ADIPOR2: variants seen among roughly 807,000 people sequenced by gnomAD.
ADIPOR2 encodes adiponectin receptor protein 2.
ADIPOR2 carries 18 observed loss-of-function variants against 40.9 expected under a neutral mutation model. The observed-to-expected ratio is 0.44, with a 90% CI of 0.30 to 0.65. The LOEUF is 0.65. Ranked by LOEUF, ADIPOR2 falls within the 30% of genes least tolerant of loss-of-function variation. The pLI is 0.09. For missense variants in ADIPOR2, 283 were observed against 479.2 expected (o/e 0.59, Z 3.82); for synonymous variants, 165 against 166.4 (o/e 0.99, Z 0.06).
chr12:1,735,501 A>G (rs557002637), intron 1 of ADIPOR2, among the ~76,000 whole-genome samples: 1 of 152,310 alleles, frequency 6.6e-6, no homozygotes, highest in African/African-American at 2.4e-5. Context: ...TTGGGCTGAG[A>G]CAATGGGGTT....
At chr12:1,731,848 C>A (rs2094720995) in intron 1 of ADIPOR2, among the ~76,000 whole-genome samples, 1 of 152,170 alleles carries the variant, frequency 6.6e-6, no homozygotes, top group Non-Finnish European at 1.5e-5. Context: ...CTTGTAATCC[C>A]AGCTACTTGA....
intron 1 of ADIPOR2, among the ~76,000 whole-genome samples, chr12:1,701,766 A>G (rs2094650653): frequency 1.3e-5 from 2 of 152,216 alleles, no homozygotes; most frequent in Admixed American, 1.3e-4. Flanking sequence ...ATAATGTTAC[A>G]TTGAACATTC....
At chr12:1,749,521 G>T (rs770646688) in intron 1 of ADIPOR2, among the ~76,000 whole-genome samples, 1 of 152,150 alleles carries the variant, frequency 6.6e-6, no homozygotes, top group African/African-American at 2.4e-5. Context: ...AAAATAACAG[G>T]CATACTTGTG....
chr12:1,714,327 A>G (rs1409375491), intron 1 of ADIPOR2, among the ~76,000 whole-genome samples: 2 of 152,008 alleles, frequency 1.3e-5, no homozygotes, highest in African/African-American at 2.4e-5. Flanking sequence ...ACTGTAGAAC[A>G]CGGAGGTTGC....
At chr12:1,739,208 C>T (rs1385691784) in intron 1 of ADIPOR2, among the ~76,000 whole-genome samples, 1 of 152,210 alleles carries the variant, frequency 6.6e-6, no homozygotes, top group Non-Finnish European at 1.5e-5. Flanking sequence ...AGGTACTGCT[C>T]TCTGCCTTTA....
At position 1,723,005 on chromosome 12, in the gene ADIPOR2, T is replaced by C. The variant is rs151036824; in HGVS notation, c.-86-31253T>C. 4.5e-3 allele frequency among the ~76,000 whole-genome samples: 687 copies of C among 152,362 alleles called. 5 individuals carry two copies. The highest frequency in any genetic ancestry group is 0.015 in the African/African-American group (617 of 41,580). ...TACAAGATGAGAGATGTGAAAATTC[T>C]TTGCAAGCTCTAAATTGTTACACAA... On this transcript the variant is annotated intron_variant, in intron 1 of 7. Transcript: ENST00000357103.
Position 1,724,142 on chromosome 12 carries a change from C to T in ADIPOR2, c.-86-30116C>T, listed in dbSNP as rs145816328. On this transcript the variant is annotated intron_variant, in intron 1 of 7. Transcript: ENST00000357103. ...GATTACAGGTGCCCGCCACGACGCC[C>T]AGCTAATTTTTTGTATTTTTAGTAG... 4.3e-3 allele frequency among the ~76,000 whole-genome samples: 651 copies of T among 152,174 alleles called. 7 individuals are homozygous for T. Among genetic ancestry groups the T allele is most frequent in the African/African-American group, 0.015 (629 of 41,516 alleles).
chr12:1,714,432 T>C (rs975573310), intron 1 of ADIPOR2, among the ~76,000 whole-genome samples: 1 of 152,102 alleles, frequency 6.6e-6, no homozygotes, highest in Admixed American at 6.5e-5. Flanking sequence ...AATAAACTTA[T>C]CTTTTAGGAT....
chr12:1,719,156 G>GT lies in ADIPOR2; in HGVS notation c.-87+27975dup, dbSNP rs201549939. Reference sequence around the variant, plus strand: ...CCATGTTACCAATTATGCTTTTTCAGTTTTTTTTTTGAGACTTTTCTACTC... The same window carrying GT: ...CCATGTTACCAATTATGCTTTTTCAGTTTTTTTTTTTGAGACTTTTCTACTC... On this transcript the variant is annotated intron_variant, in intron 1 of 7. Transcript: ENST00000357103. Among the ~76,000 whole-genome samples the GT allele has an allele frequency of 7.6e-4, 113 of 147,914 alleles. 1 individual carries two copies. Among genetic ancestry groups the GT allele is most frequent in the Middle Eastern group, 6.9e-3 (2 of 288 alleles).
chr12:1,719,385 G>A (rs2094693557), intron 1 of ADIPOR2, among the ~76,000 whole-genome samples: 1 of 152,144 alleles, frequency 6.6e-6, no homozygotes, highest in South Asian at 2.1e-4. Flanking sequence ...TTTGAGAACA[G>A]TTTATGGCTC....
chr12:1,715,078 G>T (rs113643793), intron 1 of ADIPOR2, among the ~76,000 whole-genome samples: 18,717 of 152,010 alleles, frequency 0.12, 1,514 homozygotes, highest in East Asian at 0.28. Context: ...CCTTCTGGGT[G>T]GTGGAGATTA....
chr12:1,734,974 A>G (rs1230069355), intron 1 of ADIPOR2, among the ~76,000 whole-genome samples: 3 of 152,180 alleles, frequency 2.0e-5, no homozygotes, highest in African/African-American at 7.2e-5. Context: ...TGGTACCAGT[A>G]CCATGCTGTT....
intron 1 of ADIPOR2, among the ~76,000 whole-genome samples, chr12:1,695,532 G>C (rs562996953): frequency 6.6e-6 from 1 of 151,584 alleles, no homozygotes; most frequent in Non-Finnish European, 1.5e-5. Context: ...GTATGGTGGC[G>C]CGCGCCTGTA....
At chr12:1,709,182 A>T (rs887339606) in intron 1 of ADIPOR2, among the ~76,000 whole-genome samples, 1 of 152,238 alleles carries the variant, frequency 6.6e-6, no homozygotes, top group Admixed American at 6.5e-5. Context: ...TTAAATATAC[A>T]GATCATTAGG....
chr12:1,732,638 T>C (rs1174705895), intron 1 of ADIPOR2, among the ~76,000 whole-genome samples: 1 of 152,244 alleles, frequency 6.6e-6, no homozygotes, highest in African/African-American at 2.4e-5. Context: ...CAAGTTTTTG[T>C]GTGCACATAG....
Position 1,755,328 on chromosome 12 carries a change from A to C in ADIPOR2, c.171+814A>C, listed in dbSNP as rs1026591809. Among the ~76,000 whole-genome samples, 5 of 152,112 alleles carry C rather than the reference A, an allele frequency of 3.3e-5. No homozygotes were observed. In the East Asian group the frequency reaches 9.7e-4, roughly 29 times the overall value. On this transcript the variant is annotated intron_variant, in intron 2 of 7. Transcript: ENST00000357103. Reference sequence around the variant, plus strand: ...CTCAACCTCCTTATCCACCTGCCTCAACCTCCCAGAGTGCTGGGATTATAG... The same window carrying C: ...CTCAACCTCCTTATCCACCTGCCTCCACCTCCCAGAGTGCTGGGATTATAG...
intron 1 of ADIPOR2, among the ~76,000 whole-genome samples, chr12:1,737,136 A>G (rs1294040673): frequency 1.3e-5 from 2 of 152,242 alleles, no homozygotes; most frequent in Non-Finnish European, 2.9e-5. Flanking sequence ...TATGAAGAAT[A>G]AATGAGATAA....
intron 2 of ADIPOR2, among the ~76,000 whole-genome samples, chr12:1,762,412 T>C (rs948311143): frequency 6.6e-6 from 1 of 152,184 alleles, no homozygotes; most frequent in Non-Finnish European, 1.5e-5. Flanking sequence ...GCCTTTTTGT[T>C]TTCCTCTGAT....
chr12:1,759,550 C>G (rs1862224709), intron 2 of ADIPOR2, among the ~76,000 whole-genome samples: 1 of 152,086 alleles, frequency 6.6e-6, no homozygotes, highest in South Asian at 2.1e-4. Flanking sequence ...TTGTACAAGT[C>G]TTTATTTACC....
Sources: allele counts gnomAD v4.1 joint callset (sites outside exome capture counted in the v4.1 genomes callset), GRCh38; gene constraint gnomAD v4.1.1; transcripts MANE v1.5; gene names NCBI Gene and HGNC (gene_info 2026-07-23, HGNC 2026-07-21).